IQCJ: variants seen among roughly 807,000 people sequenced by gnomAD.
IQCJ encodes IQ domain-containing protein J.
IQCJ carries 9 observed loss-of-function variants against 11.0 expected under a neutral mutation model. The observed-to-expected ratio is 0.82, with a 90% confidence interval of 0.49 to 1.43. The LOEUF is 1.43. Among genes scored for constraint, IQCJ ranks in the 40% most tolerant of loss-of-function variants. The pLI, the probability that IQCJ is intolerant of heterozygous loss-of-function variation, is 0.00. For synonymous variants in IQCJ, 55 were observed against 51.3 expected, an observed-to-expected ratio of 1.07 and a Z score of -0.31; for missense variants, 146 against 133.2, an observed-to-expected ratio of 1.10 and a Z score of -0.47.
intron 1 of IQCJ, among the ~76,000 whole-genome samples, chr3:159,117,256 C>T (rs1195050878): frequency 6.6e-6 from 1 of 152,106 alleles, no homozygotes; most frequent in Non-Finnish European, 1.5e-5. Flanking sequence ...TTTGCTCTGT[C>T]CAGGTTCTCC....
In IQCJ at chr3:159,128,596, T is replaced by G. The variant is rs185612982; in HGVS notation, c.9+59155T>G. 2.0e-5 allele frequency among the ~76,000 whole-genome samples: 3 copies of G among 152,308 alleles called. No homozygotes were observed. The East Asian group carries it at 5.8e-4, about 29-fold the overall frequency. Reference sequence around the variant, plus strand: ...ATACGCATGCCCCTCGTTTCTAGACTGACCTCCCCTCTGTGTAAAATCTTG... The same window carrying G: ...ATACGCATGCCCCTCGTTTCTAGACGGACCTCCCCTCTGTGTAAAATCTTG... On this transcript the variant is annotated intron_variant, in intron 1 of 3. Transcript: ENST00000397832.
At chr3:159,088,369 G>A (rs1212967565) in intron 1 of IQCJ, among the ~76,000 whole-genome samples, 1 of 152,136 alleles carries the variant, frequency 6.6e-6, no homozygotes, top group East Asian at 1.9e-4. Flanking sequence ...TATGTGTGGT[G>A]TGGTGCTGAA....
intron 1 of IQCJ, among the ~76,000 whole-genome samples, chr3:159,154,941 T>C (rs1348289305): frequency 1.3e-5 from 2 of 152,098 alleles, no homozygotes; most frequent in African/African-American, 4.8e-5. Flanking sequence ...TCCATCTTAT[T>C]CTTTCTCCTT....
At chr3:159,143,479 C>T (rs1577037337) in intron 1 of IQCJ, among the ~76,000 whole-genome samples, 1 of 152,290 alleles carries the variant, frequency 6.6e-6, no homozygotes, top group Non-Finnish European at 1.5e-5. Flanking sequence ...TCACATACCA[C>T]ATTATATTCT....
At chr3:159,249,597 G>T (rs1727474854) in intron 2 of IQCJ, among the ~76,000 whole-genome samples, 1 of 152,150 alleles carries the variant, frequency 6.6e-6, no homozygotes, top group African/African-American at 2.4e-5. Flanking sequence ...TTCAGGTCAG[G>T]ACTACGTCCT....
intron 1 of IQCJ, among the ~76,000 whole-genome samples, chr3:159,103,730 A>G (rs191663167): frequency 1.5e-3 from 231 of 152,334 alleles, no homozygotes; most frequent in Admixed American, 5.2e-3. Context: ...TTTCACATCT[A>G]AGTTGCTGGT....
chr3:159,235,082 GGT>G (rs1022914279), intron 1 of IQCJ, among the ~76,000 whole-genome samples: 1 of 152,100 alleles, frequency 6.6e-6, no homozygotes, highest in African/African-American at 2.4e-5. Flanking sequence ...CTTTCTGAGA[GGT>G]GTTTATTTGT....
At chr3:159,129,170 C>T (rs1005083902) in intron 1 of IQCJ, among the ~76,000 whole-genome samples, 4 of 152,184 alleles carry the variant, frequency 2.6e-5, no homozygotes, top group Non-Finnish European at 2.9e-5. Flanking sequence ...ATTTCCATCT[C>T]GTAGATAAGG....
At chr3:159,142,352 C>T (rs945586549) in intron 1 of IQCJ, among the ~76,000 whole-genome samples, 6 of 152,118 alleles carry the variant, frequency 3.9e-5, no homozygotes, top group Non-Finnish European at 7.3e-5. Context: ...CAAGGCCCCA[C>T]GGGCTTTGTC....
At chr3:159,202,830 T>C (rs890025833) in intron 1 of IQCJ, among the ~76,000 whole-genome samples, 1 of 152,028 alleles carries the variant, frequency 6.6e-6, no homozygotes, top group African/African-American at 2.4e-5. Flanking sequence ...AAATACCAAA[T>C]CACTACTCTT....
At chr3:159,255,201 T>C (rs1727828304) in intron 3 of IQCJ, among the ~76,000 whole-genome samples, 1 of 152,184 alleles carries the variant, frequency 6.6e-6, no homozygotes, top group Admixed American at 6.5e-5. Flanking sequence ...GTCTATCTTC[T>C]CCTGGGGGTG....
At chr3:159,229,488 T>C (rs1481487134) in intron 1 of IQCJ, among the ~76,000 whole-genome samples, 1 of 151,948 alleles carries the variant, frequency 6.6e-6, no homozygotes, top group Non-Finnish European at 1.5e-5. Context: ...AGGGGCTGTG[T>C]CTTCTTAATA....
At chr3:159,147,442 A>T (rs958367099) in intron 1 of IQCJ, among the ~76,000 whole-genome samples, 2 of 152,208 alleles carry the variant, frequency 1.3e-5, no homozygotes, top group African/African-American at 4.8e-5. Flanking sequence ...AAGACAGAAG[A>T]TATGAGACCT....
intron 1 of IQCJ, among the ~76,000 whole-genome samples, chr3:159,189,085 G>T (rs1171608724): frequency 6.6e-6 from 1 of 152,082 alleles, no homozygotes. Context: ...CCTCTGTAAG[G>T]TTCCACATTA....
intron 3 of IQCJ, among the ~76,000 whole-genome samples, chr3:159,259,968 C>A (rs1477953210): frequency 6.6e-6 from 1 of 152,074 alleles, no homozygotes; most frequent in African/African-American, 2.4e-5. Context: ...TACAAAAAAA[C>A]AGCTCCTGTA....
chr3:159,134,963 G>A (rs1002806454), intron 1 of IQCJ, among the ~76,000 whole-genome samples: 1 of 152,174 alleles, frequency 6.6e-6, no homozygotes, highest in Non-Finnish European at 1.5e-5. Context: ...TTGGGAAAAT[G>A]TTTGGGCACA....
chr3:159,224,993 A>G (rs1438288822), intron 1 of IQCJ, among the ~76,000 whole-genome samples: 2 of 152,222 alleles, frequency 1.3e-5, no homozygotes, highest in African/African-American at 4.8e-5. Context: ...AATTTCTTCT[A>G]AAATTAAAAC....
At chr3:159,182,080 A>G (rs1378398696) in intron 1 of IQCJ, among the ~76,000 whole-genome samples, 1 of 151,840 alleles carries the variant, frequency 6.6e-6, no homozygotes, top group Non-Finnish European at 1.5e-5. Context: ...GCCTCATTAT[A>G]TACATGCATG....
chr3:159,238,651 G>T (rs1726732713), intron 1 of IQCJ, among the ~76,000 whole-genome samples: 1 of 152,198 alleles, frequency 6.6e-6, no homozygotes. Flanking sequence ...TGAGGAAGGA[G>T]GGTGGGGTAC....
Sources: allele counts gnomAD v4.1 joint callset (sites outside exome capture counted in the v4.1 genomes callset), GRCh38; gene constraint gnomAD v4.1.1; transcripts MANE v1.5; gene names NCBI Gene and HGNC (gene_info 2026-07-23, HGNC 2026-07-21).